MPHOSPH6: variants seen among roughly 807,000 people sequenced by gnomAD.
MPHOSPH6 encodes M-phase phosphoprotein 6.
In MPHOSPH6, 25 loss-of-function variants were observed where a neutral mutation model predicts 21.8. That is an observed-to-expected ratio of 1.15 (90% CI 0.83 to 1.60). MPHOSPH6 has a LOEUF of 1.60. Among genes scored for constraint, MPHOSPH6 ranks in the 40% most tolerant of loss-of-function variants. The pLI is 0.00. For synonymous variants in MPHOSPH6, 84 were observed against 56.5 expected (o/e 1.49, Z -2.18); for missense variants, 269 against 181.8 (o/e 1.48, Z -2.76).
chr16:82,154,524 G>C lies in MPHOSPH6; in HGVS notation c.165-3010C>G, dbSNP rs867099001. Among the ~76,000 whole-genome samples the C allele has an allele frequency of 3.3e-5, 5 of 152,124 alleles. No homozygotes were observed. The South Asian group carries it at 8.3e-4, about 25-fold the overall frequency. On this transcript the variant is annotated intron_variant, in intron 2 of 4. Transcript: ENST00000258169. Reference sequence around the variant, plus strand: ...ATGAAATTAGTAGAAATGGACTTTAGAATAGTTACTGTAAATTTATTCAAG... The same window carrying C: ...ATGAAATTAGTAGAAATGGACTTTACAATAGTTACTGTAAATTTATTCAAG...
At chr16:82,169,427 C>G (rs928614513) in intron 1 of MPHOSPH6, among the ~76,000 whole-genome samples, 2 of 152,186 alleles carry the variant, frequency 1.3e-5, no homozygotes, top group Non-Finnish European at 2.9e-5. Context: ...CCTCTTCTCC[C>G]TGGAAGAAGA....
intron 1 of MPHOSPH6, chr16:82,167,467 T>C (rs11859473): frequency 0.65 from 99,140 of 152,108 alleles, 34,426 homozygotes; most frequent in East Asian, 0.78. Flanking sequence ...ATGATTCAAG[T>C]GCATTACATT....
rs181573669 is a variant in MPHOSPH6 at position 82,161,646 on chromosome 16, C to T, written c.164+2436G>A. 2.0e-5 allele frequency among the ~76,000 whole-genome samples: 3 copies of T among 152,284 alleles called. No individual in the cohort carries two copies. In the East Asian group the frequency reaches 5.8e-4, roughly 29 times the overall value. ...AAACTTAGCAGGCAGTGTTGTTCAGCAGATGCCCTTCTAGGAAAACAGAGA... is the reference window on the plus strand; with the variant it reads ...AAACTTAGCAGGCAGTGTTGTTCAGTAGATGCCCTTCTAGGAAAACAGAGA... On this transcript the variant is annotated intron_variant, in intron 2 of 4. Coordinates refer to ENST00000258169, the MANE Select transcript of MPHOSPH6 (RefSeq NM_005792.2).
At chr16:82,163,641 G>C (rs139484920) in intron 2 of MPHOSPH6, among the ~76,000 whole-genome samples, 2,414 of 152,328 alleles carry the variant, frequency 0.016, 29 homozygotes, top group Non-Finnish European at 0.023. Context: ...AGCTAAAATG[G>C]ATGGTATTAC....
At chr16:82,170,092 C>T (rs530623567) in intron 1 of MPHOSPH6, 33 bp downstream of exon 1, 29 of 1,577,844 alleles carry the variant, frequency 1.8e-5, no homozygotes, top group Admixed American at 5.4e-5. Context: ...GGTGCCCCTA[C>T]CGCCCGGAGT....
intron 1 of MPHOSPH6, among the ~76,000 whole-genome samples, chr16:82,169,300 T>G (rs776604681): frequency 2.0e-5 from 3 of 152,198 alleles, no homozygotes; most frequent in Non-Finnish European, 2.9e-5. Context: ...TCTTGGAAAT[T>G]TCCATGGTTT....
intron 2 of MPHOSPH6, among the ~76,000 whole-genome samples, chr16:82,156,358 C>G (rs564849795): frequency 1.3e-5 from 2 of 151,958 alleles, no homozygotes; most frequent in Non-Finnish European, 2.9e-5. Flanking sequence ...CTTACTGCAT[C>G]AAAAATACAA....
At chr16:82,157,519 G>A (rs913512664) in intron 2 of MPHOSPH6, among the ~76,000 whole-genome samples, 2 of 152,186 alleles carry the variant, frequency 1.3e-5, no homozygotes, top group Non-Finnish European at 2.9e-5. Flanking sequence ...AGATCTTTAC[G>A]TGATGATGGA....
At chr16:82,165,133 A>T (rs9934289) in intron 1 of MPHOSPH6, among the ~76,000 whole-genome samples, 61,644 of 89,730 alleles carry the variant, frequency 0.69, 19,871 homozygotes, top group East Asian at 0.73. Flanking sequence ...TTTTTTTTTT[A>T]TTTTTTTTTT....
At chr16:82,150,416 A>G (rs888837237) in intron 3 of MPHOSPH6, among the ~76,000 whole-genome samples, 15 of 152,210 alleles carry the variant, frequency 9.9e-5, no homozygotes, top group Non-Finnish European at 5.9e-5. Flanking sequence ...TATATTAAAA[A>G]CAAACACTTC....
rs556596122 is a variant in MPHOSPH6, at chr16:82,160,415, G to C, written c.164+3667C>G. ...TCCAGTTAGAAAACCCTTCTCAGTGGGTCTCACATTCCTGCACATTTTTTG... is the reference window on the plus strand; with the variant it reads ...TCCAGTTAGAAAACCCTTCTCAGTGCGTCTCACATTCCTGCACATTTTTTG... On this transcript the variant is annotated intron_variant, in intron 2 of 4. Transcript: ENST00000258169. Among the ~76,000 whole-genome samples the C allele has an allele frequency of 5.9e-5, 9 of 152,206 alleles. No homozygotes were observed. In the East Asian group the frequency reaches 1.7e-3, roughly 29 times the overall value.
rs759744361 is a variant in MPHOSPH6, at chr16:82,170,188, C to T, written c.-13G>A. On this transcript the variant is annotated 5_prime_UTR_variant, in exon 1 of 5. Coordinates refer to ENST00000258169, the MANE Select transcript of MPHOSPH6 (RefSeq NM_005792.2). ...GCTCGGCCGCCATGGTAGCTTCCGC[C>T]CAGCGCCGCACTCCGGCCGCGAGCC... is the stretch of plus-strand genomic sequence containing the variant. The T allele has an allele frequency of 1.3e-6, 2 of 1,577,270 alleles. No individual in the cohort carries two copies. The highest frequency in any genetic ancestry group is 3.6e-5 in the Admixed American group (2 of 55,278).
intron 1 of MPHOSPH6, chr16:82,167,572 G>C (rs917896658): frequency 6.4e-6 from 1 of 156,980 alleles, no homozygotes; most frequent in African/African-American, 2.4e-5. Flanking sequence ...ACCTGAGCTT[G>C]TTTTCCTGAA....
intron 3 of MPHOSPH6, 169 bp downstream of exon 3, chr16:82,151,255 A>C (rs1164929421): frequency 1.3e-5 from 12 of 902,422 alleles, no homozygotes; most frequent in Non-Finnish European, 2.0e-5. Flanking sequence ...ATAAAACTAG[A>C]CTGCAATGCC....
At chr16:82,153,203 T>C (rs1437208659) in intron 2 of MPHOSPH6, among the ~76,000 whole-genome samples, 1 of 152,156 alleles carries the variant, frequency 6.6e-6, no homozygotes, top group Non-Finnish European at 1.5e-5. Flanking sequence ...AAATAATGAA[T>C]GAAACATGAA....
chr16:82,163,961 T>A, intron 2 of MPHOSPH6, 121 bp downstream of exon 2: 1 of 646,660 alleles, frequency 1.5e-6, no homozygotes, highest in Non-Finnish European at 2.6e-6. Context: ...TGCTACTAAA[T>A]CAATAAACTG....
At chr16:82,153,073 G>C (rs1906318370) in intron 2 of MPHOSPH6, among the ~76,000 whole-genome samples, 2 of 152,074 alleles carry the variant, frequency 1.3e-5, no homozygotes, top group African/African-American at 4.8e-5. Flanking sequence ...GTTGCAATGA[G>C]TCAAGATTGT....
intron 2 of MPHOSPH6, among the ~76,000 whole-genome samples, chr16:82,158,566 C>T (rs952600253): frequency 1.3e-5 from 2 of 149,564 alleles, no homozygotes; most frequent in African/African-American, 4.9e-5. Context: ...ACTTGTGTGA[C>T]TGAACCGAGA....
chr16:82,165,647 C>T (rs1906749854), intron 1 of MPHOSPH6, among the ~76,000 whole-genome samples: 1 of 152,144 alleles, frequency 6.6e-6, no homozygotes, highest in African/African-American at 2.4e-5. Flanking sequence ...TTTTCTATAT[C>T]TAGATATGTT....
Sources: allele counts gnomAD v4.1 joint callset (sites outside exome capture counted in the v4.1 genomes callset), GRCh38; gene constraint gnomAD v4.1.1; transcripts MANE v1.5; gene names NCBI Gene and HGNC (gene_info 2026-07-23, HGNC 2026-07-21).